The following NCOA4 variants were observed in gnomAD, a reference collection of about 807,000 sequenced individuals.
NCOA4 encodes the protein 70 kDa AR-activator.
A neutral mutation model predicts 69.5 loss-of-function variants in NCOA4; 31 were observed. That is an observed-to-expected ratio of 0.45 (90% CI 0.34 to 0.60). NCOA4 has a LOEUF of 0.60. NCOA4 is among the 20% of genes least tolerant of loss of function. The pLI is 0.02. For synonymous variants in NCOA4, 228 were observed against 252.4 expected (o/e 0.90, Z 0.92); for missense variants, 600 against 719.2 (o/e 0.83, Z 1.90).
chr10:46,024,708 T>C (rs1554925177), intron 1 of NCOA4, among the ~76,000 whole-genome samples: 1 of 152,234 alleles, frequency 6.6e-6, no homozygotes, highest in Admixed American at 6.5e-5. Flanking sequence ...CCCTTGTGTC[T>C]TTATAAAATG....
At chr10:46,014,363 T>C in intron 5 of NCOA4, 81 bp downstream of exon 5, 1 of 1,004,290 alleles carries the variant, frequency 1.0e-6, no homozygotes, top group Non-Finnish European at 1.5e-6. Context: ...AGAAAGTCAC[T>C]ATTCATAGCA....
chr10:46,007,580 T>A (rs187653971), intron 9 of NCOA4, among the ~76,000 whole-genome samples: 55 of 125,602 alleles, frequency 4.4e-4, no homozygotes, highest in Middle Eastern at 4.3e-3. Flanking sequence ...AGCCAGTGAC[T>A]CTTTTTTTTT....
Position 46,014,551 on chromosome 10 carries a change from G to T in NCOA4, c.373C>A (p.Leu125Met). The T allele has an allele frequency of 6.3e-7, 1 of 1,592,298 alleles. No homozygotes were observed. Among genetic ancestry groups the T allele is most frequent in the South Asian group, 1.1e-5 (1 of 87,058 alleles). Reference protein sequence around the residue: ...ANQVSVCLERLGSLTLKPEDS... With the variant: ...ANQVSVCLERMGSLTLKPEDS... ...TCAGGCTTAAGGGTCAAACTGCCCA[G>T]TCTGGGGAAAAAAAAACAAAATTGG... The change falls in exon 5 of 10, where the codon CTG becomes ATG. Residue 125 changes from leucine (L) to methionine (M), a missense_variant and splice_region_variant. By Grantham distance (15) the Leu-to-Met change is conservative. Coordinates refer to ENST00000581486, the MANE Select transcript of NCOA4 (RefSeq NM_001145263.2).
intron 1 of NCOA4, among the ~76,000 whole-genome samples, chr10:46,029,745 C>T (rs974965705): frequency 6.6e-6 from 1 of 152,170 alleles, no homozygotes; most frequent in Admixed American, 6.5e-5. Flanking sequence ...TGGCATCATT[C>T]CATGTTAAAT....
intron 1 of NCOA4, among the ~76,000 whole-genome samples, chr10:46,017,627 G>T (rs1416356205): frequency 6.6e-6 from 1 of 152,076 alleles, no homozygotes; most frequent in Non-Finnish European, 1.5e-5. Context: ...ATATATAAAA[G>T]AATGTGCATT....
Position 46,006,361 on chromosome 10 carries a change from T to G in NCOA4, c.*231A>C. On this transcript the variant is annotated 3_prime_UTR_variant, in exon 10 of 10. Transcript: ENST00000581486. ...CTAGTGTGGGGTGAATTAAAATACT[T>G]CTGTAAGAAGGAGGGAACTGAATCA... The G allele has an allele frequency of 1.9e-6, 1 of 538,784 alleles. No homozygotes were observed. The highest frequency in any genetic ancestry group is 3.3e-6 in the Non-Finnish European group (1 of 298,928). The allele number at this position is 538,784 out of a possible 1,614,324, so 33.4% of individuals were successfully genotyped here. A position where few individuals can be genotyped will look rare whatever the true frequency, so the allele number is the denominator to read the frequency against.
In NCOA4 at chr10:46,009,412, T is replaced by G. The variant is rs189946525; in HGVS notation, c.1838A>C (p.Gln613Pro). The G allele has an allele frequency of 3.0e-4, 481 of 1,611,522 alleles. No individual in the cohort carries two copies. The highest frequency in any genetic ancestry group is 2.2e-3 in the East Asian group (97 of 44,864). Residue 613 changes from glutamine to proline, a missense_variant and splice_region_variant, in exon 9 of 10, where the codon CAG (glutamine) becomes CCG (proline). Gln to Pro is a moderately conservative substitution (Grantham distance 76). Transcript: ENST00000581486. Reference protein sequence around the residue: ...KEKWLYRTPLQM With the variant: ...KEKWLYRTPLPM ...TTCATGCTGGTGGCATGTACCCACCTGTAGAGGAGTTCGATATAACCACTT... is the reference window on the plus strand; with the variant it reads ...TTCATGCTGGTGGCATGTACCCACCGGTAGAGGAGTTCGATATAACCACTT...
At position 46,012,928 on chromosome 10, in the gene NCOA4, G is replaced by A. The variant is rs41306524; in HGVS notation, c.669C>T (p.Asp223=). 0.1 allele frequency: 165,736 copies of A among 1,613,784 alleles called. 8,808 individuals carry two copies. Among genetic ancestry groups the A allele is most frequent in the Non-Finnish European group, 0.11 (130,079 of 1,179,754 alleles). Residue 223 remains aspartate (D), a synonymous_variant, in exon 7 of 10, where the codon GAC becomes GAT. Coordinates refer to ENST00000581486, the MANE Select transcript of NCOA4 (RefSeq NM_001145263.2). The part of the protein sequence containing the change: ...GYQAPYIPST[D]PQDWLTQKQT... Reference sequence around the variant, plus strand: ...GCTTTTGGGTAAGCCAGTCCTGGGGGTCGGTGCTGGGTATGTAAGGAGCTT... The same window carrying A: ...GCTTTTGGGTAAGCCAGTCCTGGGGATCGGTGCTGGGTATGTAAGGAGCTT...
rs1432558326 is a variant in NCOA4, at chr10:46,020,268, T to C, written c.-14-3574A>G. On this transcript the variant is annotated intron_variant, in intron 1 of 9. Coordinates refer to ENST00000581486, the MANE Select transcript of NCOA4 (RefSeq NM_001145263.2). ...TCTGGAGTCTGACAAACCTGAGTTA[T>C]GGCTGTGTCTCCAAGCTTGAGACCC... is the stretch of plus-strand genomic sequence containing the variant. Among the ~76,000 whole-genome samples the C allele has an allele frequency of 2.0e-5, 3 of 152,222 alleles. No homozygotes were observed. The East Asian group carries it at 5.8e-4, about 29-fold the overall frequency.
rs1266280505 is a variant in NCOA4 at position 46,006,320 on chromosome 10, C to T, written c.*272G>A. The stretch of plus-strand genomic sequence containing the variant: ...TGGAGGCTTGTGAAAAAGACGTCCA[C>T]AAAGATGCTGCATTTCTAGTGTGGG... On this transcript the variant is annotated 3_prime_UTR_variant, in exon 10 of 10. Transcript: ENST00000581486. The T allele has an allele frequency of 6.1e-6, 3 of 491,788 alleles. No individual in the cohort carries two copies. The highest frequency in any genetic ancestry group is 6.0e-5 in the East Asian group (2 of 33,426). 30.5% of individuals were successfully genotyped at this position (491,788 alleles called of 1,614,324 possible). A position where few individuals can be genotyped will look rare whatever the true frequency, so the allele number is the denominator to read the frequency against.
Position 46,022,562 on chromosome 10 carries a change from A to G in NCOA4, c.-14-5868T>C, listed in dbSNP as rs782536756. 7 of 416,172 alleles carry G rather than the reference A, an allele frequency of 1.7e-5. No homozygotes were observed. In the East Asian group the frequency reaches 3.6e-4, roughly 22 times the overall value. 25.8% of individuals were successfully genotyped at this position (416,172 alleles called of 1,614,324 possible). A position where few individuals can be genotyped will look rare whatever the true frequency, so the allele number is the denominator to read the frequency against. ...TGCAAGCTCCACCTCCCGGCTTCAT[A>G]CCATTCTCCTGTCTCAGCCTCCCAG... On this transcript the variant is annotated intron_variant, in intron 1 of 9. Transcript: ENST00000581486.
chr10:46,007,605 T>A (rs1336535787), intron 9 of NCOA4, among the ~76,000 whole-genome samples: 1 of 114,422 alleles, frequency 8.7e-6, no homozygotes, highest in Non-Finnish European at 1.9e-5. Flanking sequence ...TTTTTTTTTT[T>A]TTTTTGAGAC....
In NCOA4 at chr10:46,005,241, A is replaced by C. The variant is rs1838745805; in HGVS notation, c.*1351T>G. On this transcript the variant is annotated 3_prime_UTR_variant, in exon 10 of 10. Transcript: ENST00000581486. ...TCAAGAAACTACAGAGCTGCAACTCAAGATAACTGGAAAGGCTCCTTACAT... is the reference window on the plus strand; with the variant it reads ...TCAAGAAACTACAGAGCTGCAACTCCAGATAACTGGAAAGGCTCCTTACAT... 1 of 213,104 alleles carries C rather than the reference A, an allele frequency of 4.7e-6. No individual in the cohort carries two copies. The highest frequency in any genetic ancestry group is 9.5e-6 in the Non-Finnish European group (1 of 105,032). The allele number at this position is 213,104 out of a possible 1,614,324, so 13.2% of individuals were successfully genotyped here. A position where few individuals can be genotyped will look rare whatever the true frequency, so the allele number is the denominator to read the frequency against.
intron 1 of NCOA4, among the ~76,000 whole-genome samples, chr10:46,021,582 G>A (rs978091044): frequency 6.6e-6 from 1 of 152,134 alleles, no homozygotes; most frequent in Non-Finnish European, 1.5e-5. Context: ...AATAACTTCC[G>A]TTAAGATTTT....
chr10:46,009,990 A>G (rs1484398301), intron 8 of NCOA4, among the ~76,000 whole-genome samples: 2 of 152,052 alleles, frequency 1.3e-5, no homozygotes, highest in Non-Finnish European at 2.9e-5. Flanking sequence ...CCAAAACCCC[A>G]TCTCTACCAA....
At position 46,006,567 on chromosome 10, in the gene NCOA4, G is replaced by A. The variant is rs1838822457; in HGVS notation, c.*25C>T. 1.9e-6 allele frequency: 3 copies of A among 1,613,302 alleles called. No homozygotes were observed. Among genetic ancestry groups the A allele is most frequent in the African/African-American group, 1.3e-5 (1 of 74,916 alleles). The stretch of plus-strand genomic sequence containing the variant: ...CATGATGTGTGATAATCAGCAGAAA[G>A]GCTGCTCAACTCTTGTCCATTCCTT... On this transcript the variant is annotated 3_prime_UTR_variant, in exon 10 of 10. Transcript: ENST00000581486.
chr10:46,010,440 A>G lies in NCOA4; in HGVS notation c.1481T>C (p.Leu494Ser). 1 of 1,614,188 alleles carries G rather than the reference A, an allele frequency of 6.2e-7. No homozygotes were observed. Among genetic ancestry groups the G allele is most frequent in the Non-Finnish European group, 8.5e-7 (1 of 1,180,042 alleles). Residue 494 changes from leucine to serine, a missense_variant, in exon 8 of 10, where the codon TTG (leucine) becomes TCG (serine). By Grantham distance (145) the Leu-to-Ser change is moderately radical (BLOSUM62 -2). Coordinates refer to ENST00000581486, the MANE Select transcript of NCOA4 (RefSeq NM_001145263.2). The stretch of plus-strand genomic sequence containing the variant: ...TGGGGGCCTGATAAGCCACTCCGAC[A>G]AGGGGCTGTTCTTTATGACTTGGAA... ...DSFQVIKNSP[L>S]SEWLIRPPYK...
chr10:46,023,575 G>C (rs2132376488), intron 1 of NCOA4: 1 of 962,342 alleles, frequency 1.0e-6, no homozygotes, highest in South Asian at 4.8e-5. Context: ...CCCCCCTGCA[G>C]CTCCCTCCCC....
Position 46,009,456 on chromosome 10 carries a change from C to CTGCA in NCOA4, c.1790_1793dup (p.Gln598HisfsTer4), listed in dbSNP as rs1298358183. The CTGCA allele has an allele frequency of 6.2e-7, 1 of 1,612,896 alleles. No individual in the cohort carries two copies. The highest frequency in any genetic ancestry group is 1.3e-5 in the African/African-American group (1 of 74,862). On this transcript the variant is annotated frameshift_variant, in exon 9 of 10. Coordinates refer to ENST00000581486, the MANE Select transcript of NCOA4 (RefSeq NM_001145263.2). LOFTEE classifies it high-confidence loss of function. ...ACCACTTCTCTTTATCAACTTTAAG[C>CTGCA]TGCATACAGGCAAAGAGATCACAAA... is the stretch of plus-strand genomic sequence containing the variant.
Sources: allele counts gnomAD v4.1 joint callset (sites outside exome capture counted in the v4.1 genomes callset), GRCh38; gene constraint gnomAD v4.1.1; transcripts MANE v1.5; gene names NCBI Gene and HGNC (gene_info 2026-07-23, HGNC 2026-07-21).